The following EXOC6B variants were observed in gnomAD, a reference collection of about 807,000 sequenced individuals.
The protein encoded by EXOC6B is SEC15 homolog B.
EXOC6B carries 54 observed loss-of-function variants against 113.5 expected under a neutral mutation model. The observed-to-expected ratio is 0.48, with a 90% CI of 0.38 to 0.60. The LOEUF is 0.60. Among genes scored for constraint, EXOC6B ranks in the 20% least tolerant of loss-of-function variants. The pLI is 0.00. For missense variants in EXOC6B, 797 were observed against 977.5 expected (o/e 0.82, Z 2.46); for synonymous variants, 357 against 339.0 (o/e 1.05, Z -0.58).
intron 11 of EXOC6B, among the ~76,000 whole-genome samples, chr2:72,511,383 T>C (rs987606831): frequency 1.3e-5 from 2 of 152,138 alleles, no homozygotes; most frequent in African/African-American, 4.8e-5. Context: ...CCTTGATAGT[T>C]CTTTTCCTTT....
At chr2:72,255,334 A>G (rs549513795) in intron 20 of EXOC6B, among the ~76,000 whole-genome samples, 2 of 152,356 alleles carry the variant, frequency 1.3e-5, no homozygotes, top group African/African-American at 4.8e-5. Flanking sequence ...AAAATTCTAT[A>G]AACAGAAAAA....
chr2:72,518,228 T>C (rs1307352823), intron 8 of EXOC6B, among the ~76,000 whole-genome samples: 1 of 152,200 alleles, frequency 6.6e-6, no homozygotes, highest in East Asian at 1.9e-4. Flanking sequence ...AGCAAATAGA[T>C]ATAAAACAAT....
At chr2:72,801,970 C>T (rs1685302498) in intron 1 of EXOC6B, among the ~76,000 whole-genome samples, 1 of 152,124 alleles carries the variant, frequency 6.6e-6, no homozygotes, top group Non-Finnish European at 1.5e-5. Context: ...TCCTTTGACC[C>T]AGCAATATCA....
chr2:72,312,475 A>G (rs1687254628), intron 20 of EXOC6B, among the ~76,000 whole-genome samples: 1 of 152,178 alleles, frequency 6.6e-6, no homozygotes, highest in Non-Finnish European at 1.5e-5. Flanking sequence ...TCTAAAACTC[A>G]AATATAGGAA....
intron 1 of EXOC6B, among the ~76,000 whole-genome samples, chr2:72,768,121 TAA>T (rs70963144): frequency 1.1e-3 from 122 of 108,336 alleles, no homozygotes; most frequent in African/African-American, 2.1e-3. Context: ...GAGACTCCGT[TAA>T]AAAAAAAAAA....
intron 19 of EXOC6B, among the ~76,000 whole-genome samples, chr2:72,349,946 G>C (rs1161756154): frequency 1.3e-5 from 2 of 152,138 alleles, no homozygotes; most frequent in Admixed American, 1.3e-4. Context: ...ACTCTGGGAA[G>C]TTACAGTTAG....
intron 19 of EXOC6B, among the ~76,000 whole-genome samples, chr2:72,377,775 T>C (rs1286823142): frequency 1.3e-5 from 2 of 152,180 alleles, no homozygotes; most frequent in African/African-American, 4.8e-5. Flanking sequence ...AGATCTATTA[T>C]ACAACGTTGT....
intron 6 of EXOC6B, among the ~76,000 whole-genome samples, chr2:72,619,506 TGAG>T (rs1231823833): frequency 1.3e-5 from 2 of 151,814 alleles, no homozygotes; most frequent in Non-Finnish European, 2.9e-5. Flanking sequence ...TTAAAAAGAA[TGAG>T]GAGGAGGGAG....
intron 18 of EXOC6B, among the ~76,000 whole-genome samples, chr2:72,427,383 A>T (rs1695260807): frequency 6.6e-6 from 1 of 152,152 alleles, no homozygotes. Flanking sequence ...TCAGGGGCCC[A>T]GGAAGGCCTC....
intron 19 of EXOC6B, among the ~76,000 whole-genome samples, chr2:72,358,691 C>T (rs1266308924): frequency 1.3e-5 from 2 of 152,100 alleles, no homozygotes; most frequent in African/African-American, 4.8e-5. Flanking sequence ...ATATTGCTGG[C>T]ATATTAAGAA....
At chr2:72,313,500 GACTC>G (rs922972914) in intron 20 of EXOC6B, among the ~76,000 whole-genome samples, 2 of 152,066 alleles carry the variant, frequency 1.3e-5, no homozygotes, top group African/African-American at 4.8e-5. Context: ...TACAAATCAA[GACTC>G]ACTATCTCTG....
intron 21 of EXOC6B, among the ~76,000 whole-genome samples, chr2:72,180,192 G>A (rs1677994610): frequency 1.3e-5 from 2 of 152,136 alleles, no homozygotes; most frequent in African/African-American, 4.8e-5. Context: ...CTGTACCCCT[G>A]GACCTTTGAC....
intron 19 of EXOC6B, among the ~76,000 whole-genome samples, chr2:72,335,466 A>G (rs994321997): frequency 1.3e-5 from 2 of 151,850 alleles, no homozygotes; most frequent in Non-Finnish European, 2.9e-5. Context: ...TCATTCCCCA[A>G]GCATTTATCA....
Position 72,825,986 on chromosome 2 carries a change from A to G in EXOC6B, c.-76T>C. On this transcript the variant is annotated 5_prime_UTR_variant, in exon 1 of 22. Coordinates refer to ENST00000272427, the MANE Select transcript of EXOC6B (RefSeq NM_015189.3). The surrounding 1 kb of genome is among the most constrained non-coding windows in gnomAD (Gnocchi z 4.4). Reference sequence around the variant, plus strand: ...TTCCCTGCCCCACAATGCCGCTCCCACCACAGGCTCCACAGCCGCCCCAGC... The same window carrying G: ...TTCCCTGCCCCACAATGCCGCTCCCGCCACAGGCTCCACAGCCGCCCCAGC... 1 of 1,554,802 alleles carries G rather than the reference A, an allele frequency of 6.4e-7. No individual in the cohort carries two copies. The highest frequency in any genetic ancestry group is 8.7e-7 in the Non-Finnish European group (1 of 1,153,070).
intron 20 of EXOC6B, among the ~76,000 whole-genome samples, chr2:72,301,983 A>G (rs1265939883): frequency 6.6e-6 from 1 of 152,166 alleles, no homozygotes; most frequent in African/African-American, 2.4e-5. Context: ...TTAGTGCTAT[A>G]AATTTCCCTC....
At chr2:72,803,681 T>C (rs1244522325) in intron 1 of EXOC6B, among the ~76,000 whole-genome samples, 5 of 152,230 alleles carry the variant, frequency 3.3e-5, no homozygotes, top group Non-Finnish European at 5.9e-5. Context: ...ATTGCATCTA[T>C]AAATGCAACT....
chr2:72,525,103 GTC>G (rs1485437670), intron 8 of EXOC6B, among the ~76,000 whole-genome samples: 1 of 152,200 alleles, frequency 6.6e-6, no homozygotes, highest in Non-Finnish European at 1.5e-5. Flanking sequence ...GACCGACAGA[GTC>G]TGCAGAATTT....
chr2:72,669,630 G>A (rs1675650053), intron 6 of EXOC6B, among the ~76,000 whole-genome samples: 1 of 152,138 alleles, frequency 6.6e-6, no homozygotes, highest in Non-Finnish European at 1.5e-5. Context: ...TTTTAAAGAG[G>A]AGAAACAGAG....
chr2:72,685,974 A>G (rs1677060476), intron 6 of EXOC6B, among the ~76,000 whole-genome samples: 2 of 152,238 alleles, frequency 1.3e-5, no homozygotes, highest in Admixed American at 6.5e-5. Flanking sequence ...GACAAAGCCT[A>G]CAAGACAGAA....
Sources: allele counts gnomAD v4.1 joint callset (sites outside exome capture counted in the v4.1 genomes callset), GRCh38; gene constraint gnomAD v4.1.1; non-coding constraint Gnocchi (gnomAD v3.1); transcripts MANE v1.5; gene names NCBI Gene and HGNC (gene_info 2026-07-23, HGNC 2026-07-21).